The following ZER1 variants were observed in gnomAD, a reference collection of about 807,000 sequenced individuals.
The protein encoded by ZER1 is protein zer-1 homolog.
A neutral mutation model predicts 78.8 loss-of-function variants in ZER1; 11 were observed. That is an observed-to-expected ratio of 0.14 (90% confidence interval 0.09 to 0.23). The LOEUF is 0.23. ZER1 is among the 10% of genes least tolerant of loss of function. ZER1 has a pLI of 1.00. For synonymous variants in ZER1, 400 were observed against 407.0 expected (o/e 0.98, Z 0.21); for missense variants, 588 against 996.9 (o/e 0.59, Z 5.52).
At chr9:128,752,963 C>T (rs1863729285) in intron 4 of ZER1, 114 bp from the exon 5 acceptor site, 1 of 1,392,764 alleles carries the variant, frequency 7.2e-7, no homozygotes, top group Non-Finnish European at 9.7e-7. Flanking sequence ...GCCACAACTT[C>T]CCCAGGGCAT....
intron 1 of ZER1, among the ~76,000 whole-genome samples, chr9:128,765,409 C>T (rs761352322): frequency 1.3e-5 from 2 of 152,230 alleles, no homozygotes; most frequent in East Asian, 1.9e-4. Context: ...AAGATACTGA[C>T]GCATACACAA....
chr9:128,741,527 G>C lies in ZER1; in HGVS notation c.1737+8C>G. The C allele has an allele frequency of 6.2e-7, 1 of 1,614,044 alleles. No homozygotes were observed. Among genetic ancestry groups the C allele is most frequent in the Non-Finnish European group, 8.5e-7 (1 of 1,179,920 alleles). ...GAGGCAGCTGCTGCTGCAGGAGGTG[G>C]ACACTACCTTCAGGCAGTCCAGGAA... is the stretch of plus-strand genomic sequence containing the variant. On this transcript the variant is annotated splice_region_variant and intron_variant, in intron 11 of 15. Coordinates refer to ENST00000291900, the MANE Select transcript of ZER1 (RefSeq NM_006336.4).
chr9:128,747,164 A>G (rs551447956), intron 8 of ZER1, among the ~76,000 whole-genome samples: 1 of 151,836 alleles, frequency 6.6e-6, no homozygotes, highest in East Asian at 1.9e-4. Context: ...ACACCACTAC[A>G]CTCCAGCCTG....
At chr9:128,759,570 T>C (rs1286787540) in intron 1 of ZER1, among the ~76,000 whole-genome samples, 1 of 151,802 alleles carries the variant, frequency 6.6e-6, no homozygotes, top group Non-Finnish European at 1.5e-5. Flanking sequence ...CCAAGGCAGG[T>C]GGATCATGAG....
At position 128,753,570 on chromosome 9, in the gene ZER1, C is replaced by T. The variant is rs947172364; in HGVS notation, c.340G>A (p.Glu114Lys). The change falls in exon 4 of 16, where the codon GAG becomes AAG. Residue 114 changes from glutamate to lysine, a missense_variant. Transcript: ENST00000291900. This position sits in a 1 kb window ranked among gnomAD's most constrained non-coding sequence, Gnocchi z 7.5. ...DLVELYLTNC[E>K]KLSAKSLQTL... ...TGCAGGCTCTTGGCGGACAGCTTCT[C>T]GCAGTTAGTCAGGTACAGCTCCACC... is the stretch of plus-strand genomic sequence containing the variant. The T allele has an allele frequency of 4.3e-6, 7 of 1,613,730 alleles. No homozygotes were observed. The highest frequency in any genetic ancestry group is 3.3e-5 in the South Asian group (3 of 91,084).
chr9:128,756,875 A>T (rs1242630009), intron 1 of ZER1, among the ~76,000 whole-genome samples: 1 of 152,242 alleles, frequency 6.6e-6, no homozygotes, highest in Non-Finnish European at 1.5e-5. Context: ...ATTGTGTGAC[A>T]TGTGAATTAT....
chr9:128,751,115 A>T lies in ZER1; in HGVS notation c.1185+7T>A, dbSNP rs1863662457. 6.3e-7 allele frequency: 1 copy of T among 1,583,754 alleles called. No individual in the cohort carries two copies. Among genetic ancestry groups the T allele is most frequent in the Non-Finnish European group, 8.6e-7 (1 of 1,160,370 alleles). On this transcript the variant is annotated splice_region_variant and intron_variant, in intron 7 of 15. Coordinates refer to ENST00000291900, the MANE Select transcript of ZER1 (RefSeq NM_006336.4). This position sits in a 1 kb window ranked among gnomAD's most constrained non-coding sequence, Gnocchi z 5.4. ...CAGGAGGCCAAGGCCCCAGGCTTGG[A>T]GCTGACCTTCAGGGCCCGCAGCAGC...
Position 128,735,781 on chromosome 9 carries a change from T to G in ZER1, c.2043-350A>C, listed in dbSNP as rs943861929. Among the ~76,000 whole-genome samples, 19 of 136,220 alleles carry G rather than the reference T, an allele frequency of 1.4e-4. No homozygotes were observed. In the South Asian group the frequency reaches 3.7e-3, roughly 27 times the overall value. 89.4% of individuals were successfully genotyped at this position (136,220 alleles called of 152,430 possible). A position where few individuals can be genotyped will look rare whatever the true frequency, so the allele number is the denominator to read the frequency against. The stretch of plus-strand genomic sequence containing the variant: ...ACCTGGTTTTTTTTTTTTTTTTTTT[T>G]TTTTTTTTTTTTGTGAGACGGAGTT... On this transcript the variant is annotated intron_variant, in intron 13 of 15. Coordinates refer to ENST00000291900, the MANE Select transcript of ZER1 (RefSeq NM_006336.4).
intron 8 of ZER1, among the ~76,000 whole-genome samples, chr9:128,749,672 G>T (rs1336939762): frequency 6.6e-6 from 1 of 152,060 alleles, no homozygotes; most frequent in East Asian, 1.9e-4. Flanking sequence ...CTACTTGGGA[G>T]GCTGAGGCAG....
At chr9:128,735,761 G>GTTTTTTT (rs1564391224) in intron 13 of ZER1, among the ~76,000 whole-genome samples, 1 of 26,790 alleles carries the variant, frequency 3.7e-5, no homozygotes, top group African/African-American at 1.2e-4. Context: ...GTGTGACCTG[G>GTTTTTTT]TTTTTTTTTT....
In ZER1 at chr9:128,750,703, G is replaced by A. The variant is rs556759475; in HGVS notation, c.1272C>T (p.Ser424=). ...GSAALFYLTN[S]EYRSEQSVKL... is the part of the protein sequence containing the mutation. ...TCACACTCTGCTCTGAGCGGTACTC[G>A]GAATTTGTTAGGTAGAAGAGAGCGG... The change falls in exon 8 of 16, where the codon TCC becomes TCT. Residue 424 remains serine, a synonymous_variant. Coordinates refer to ENST00000291900, the MANE Select transcript of ZER1 (RefSeq NM_006336.4). 40 of 1,614,224 alleles carry A rather than the reference G, an allele frequency of 2.5e-5. 2 individuals carry two copies. The Admixed American group carries it at 2.8e-4, about 11-fold the overall frequency.
At chr9:128,759,466 C>T (rs540329761) in intron 1 of ZER1, among the ~76,000 whole-genome samples, 8 of 151,254 alleles carry the variant, frequency 5.3e-5, no homozygotes, top group Admixed American at 1.3e-4. Context: ...TGTGAGCCAC[C>T]GTGCCTGGCC....
intron 1 of ZER1, among the ~76,000 whole-genome samples, chr9:128,761,002 C>CA (rs1161945720): frequency 2.7e-5 from 4 of 150,828 alleles, no homozygotes; most frequent in Admixed American, 2.0e-4. Flanking sequence ...ACTAAAAATA[C>CA]AAAAAATTAG....
chr9:128,735,769 T>G lies in ZER1; in HGVS notation c.2043-338A>C, dbSNP rs1230964396. Among the ~76,000 whole-genome samples the G allele has an allele frequency of 6.9e-4, 81 of 117,682 alleles. 12 individuals carry two copies. The highest frequency in any genetic ancestry group is 2.6e-3 in the African/African-American group (75 of 28,982). 77.2% of individuals were successfully genotyped at this position (117,682 alleles called of 152,430 possible). A position where few individuals can be genotyped will look rare whatever the true frequency, so the allele number is the denominator to read the frequency against. The stretch of plus-strand genomic sequence containing the variant: ...GAAGCACGTGTGACCTGGTTTTTTT[T>G]TTTTTTTTTTTTTTTTTTTTTTTTG... On this transcript the variant is annotated intron_variant, in intron 13 of 15. Transcript: ENST00000291900.
chr9:128,750,604 G>A lies in ZER1; in HGVS notation c.1359+12C>T, dbSNP rs768333082. 25 of 1,612,240 alleles carry A rather than the reference G, an allele frequency of 1.6e-5. No homozygotes were observed. The African/African-American group carries it at 2.4e-4, about 15-fold the overall frequency. ...GCCAGAGCATGCGGGGCCGTGGCGG[G>A]TGGGGGCTCACCGTCACCTCCTGGT... On this transcript the variant is annotated intron_variant, in intron 8 of 15. Coordinates refer to ENST00000291900, the MANE Select transcript of ZER1 (RefSeq NM_006336.4).
chr9:128,757,696 GCAA>G (rs1176768311), intron 1 of ZER1, among the ~76,000 whole-genome samples: 11 of 152,274 alleles, frequency 7.2e-5, no homozygotes, highest in African/African-American at 9.6e-5. Context: ...CGCAACTGCA[GCAA>G]CAACAACATG....
At chr9:128,733,371 GC>G in intron 15 of ZER1, 54 bp downstream of exon 15, 1 of 1,531,754 alleles carries the variant, frequency 6.5e-7, no homozygotes, top group Non-Finnish European at 9.0e-7. Flanking sequence ...CGCCCGCTAT[GC>G]CCTTACTCCC....
At position 128,740,967 on chromosome 9, in the gene ZER1, A is replaced by G. The variant is rs1863270831; in HGVS notation, c.1738-80T>C. On this transcript the variant is annotated intron_variant, in intron 11 of 15. Coordinates refer to ENST00000291900, the MANE Select transcript of ZER1 (RefSeq NM_006336.4). This position sits in a 1 kb window ranked among gnomAD's most constrained non-coding sequence, Gnocchi z 4.4. ...CTGGTATTGTTAACCAAAAAGCTTC[A>G]TGGGCATCTGGCCATGCCAACTAGA... 3 of 742,878 alleles carry G rather than the reference A, an allele frequency of 4.0e-6. No individual in the cohort carries two copies. Among genetic ancestry groups the G allele is most frequent in the Admixed American group, 1.9e-5 (1 of 53,090 alleles). 46.0% of individuals were successfully genotyped at this position (742,878 alleles called of 1,614,324 possible).
rs1002368438 is a variant in ZER1 at position 128,732,122 on chromosome 9, C to T, written c.2244-728G>A. Among the ~76,000 whole-genome samples the T allele has an allele frequency of 4.6e-5, 7 of 152,170 alleles. No individual in the cohort carries two copies. The highest frequency in any genetic ancestry group is 1.9e-4 in the East Asian group (1 of 5,204). ...GTGGGAGAGAGGTCAGTGGACAGGC[C>T]GAGGGCCTTCTCCTAAGCATTGTCC... On this transcript the variant is annotated intron_variant, in intron 15 of 15. Coordinates refer to ENST00000291900, the MANE Select transcript of ZER1 (RefSeq NM_006336.4). The surrounding 1 kb of genome is among the most constrained non-coding windows in gnomAD (Gnocchi z 4.8).
Sources: gnomAD v4.1 joint callset for allele counts (sites outside exome capture counted in the v4.1 genomes callset) on GRCh38, gnomAD v4.1.1 for gene constraint, Gnocchi (gnomAD v3.1) non-coding constraint, MANE v1.5 for transcripts, NCBI Gene and HGNC (gene_info 2026-07-23, HGNC 2026-07-21) for gene names.